Variants in MSN observed in about 807,000 individuals in gnomAD.
MSN encodes moesin.
MSN carries 2 observed loss-of-function variants against 48.0 expected under a neutral mutation model. The ratio of observed to expected loss-of-function variants is 0.04; its 90% CI spans 0.02 to 0.13. The LOEUF (loss-of-function observed/expected upper bound fraction) is 0.13. Among genes scored for constraint, MSN ranks in the 10% least tolerant of loss-of-function variants. The pLI is 1.00. For synonymous variants in MSN, 146 were observed against 166.9 expected (o/e 0.87, Z 0.97); for missense variants, 267 against 470.1 (o/e 0.57, Z 3.99).
chrX:65,589,510 A>AG (rs2070127173), intron 1 of MSN: 1 of 112,321 alleles, frequency 8.9e-6, no homozygotes. Flanking sequence ...AAGGCACTCC[A>AG]GCTCCCTGCC....
intron 1 of MSN, among the ~76,000 whole-genome samples, chrX:65,668,749 A>C (rs1300840194): frequency 9.0e-6 from 1 of 111,328 alleles, no homozygotes; most frequent in Non-Finnish European, 1.9e-5. Flanking sequence ...TGCCTGACTA[A>C]TGAGCTCTGC....
intron 3 of MSN, among the ~76,000 whole-genome samples, chrX:65,728,716 C>A (rs1406299044): frequency 7.2e-5 from 8 of 111,735 alleles, no homozygotes; most frequent in Non-Finnish European, 1.3e-4. Context: ...ATAGATGTTT[C>A]CCTCTTTCTT....
chrX:65,715,819 C>A (rs1485665514), intron 1 of MSN, among the ~76,000 whole-genome samples: 3 of 111,755 alleles, frequency 2.7e-5, no homozygotes, highest in Non-Finnish European at 3.8e-5. Flanking sequence ...CCCTCTATTT[C>A]TTTCTCTGGT....
intron 1 of MSN, among the ~76,000 whole-genome samples, chrX:65,633,343 TC>T: frequency 8.9e-6 from 1 of 111,735 alleles, no homozygotes; most frequent in Non-Finnish European, 1.9e-5. Context: ...GCTGGCATGC[TC>T]CCTTTTCAAG....
chrX:65,668,682 T>G (rs1483821903), intron 1 of MSN, among the ~76,000 whole-genome samples: 1 of 111,694 alleles, frequency 9.0e-6, no homozygotes, highest in Non-Finnish European at 1.9e-5. Context: ...AACAGAAGCC[T>G]CCTGGGAGTG....
chrX:65,704,425 A>G (rs1304953285), intron 1 of MSN, among the ~76,000 whole-genome samples: 4 of 111,622 alleles, frequency 3.6e-5, no homozygotes, highest in Non-Finnish European at 5.6e-5. Flanking sequence ...GGCTATGCCT[A>G]TTACTGGGGG....
chrX:65,717,001 C>T (rs2071473480), intron 2 of MSN, 100 bp downstream of exon 2: 4 of 735,170 alleles, frequency 5.4e-6, no homozygotes, highest in Non-Finnish European at 6.2e-6. Flanking sequence ...AATCTCTCTT[C>T]CTGTTCACTC....
At chrX:65,692,290 G>A (rs1377232504) in intron 1 of MSN, among the ~76,000 whole-genome samples, 1 of 112,501 alleles carries the variant, frequency 8.9e-6, no homozygotes, top group Non-Finnish European at 1.9e-5. Context: ...TCCTATTGTG[G>A]GGATCAGCTT....
chrX:65,739,154 C>T lies in MSN; in HGVS notation c.1529C>T (p.Thr510Ile). The T allele has an allele frequency of 8.3e-7, 1 of 1,211,498 alleles. No individual in the cohort carries two copies. ...GACCGCAGTGAGGAGGAACGTACCA[C>T]TGAGGCAGAGAAGAATGAGCGTGTG... ...AKDRSEEERT[T>I]EAEKNERVQK... Residue 510 changes from threonine (T) to isoleucine (I), a missense_variant, in exon 12 of 13, where the codon ACT (threonine) becomes ATT (isoleucine). Physicochemically the swap from Thr to Ile is moderately conservative, Grantham distance 89. This residue lies in a region of MSN where 48 missense variants were observed against 115.5 expected (regional missense o/e 0.42). Transcript: ENST00000360270.
At chrX:65,594,367 A>G (rs952068653) in intron 1 of MSN, among the ~76,000 whole-genome samples, 9 of 110,055 alleles carry the variant, frequency 8.2e-5, no homozygotes, top group African/African-American at 3.0e-4. Flanking sequence ...AAAGTAGAGA[A>G]GACTGTACCC....
intron 1 of MSN, among the ~76,000 whole-genome samples, chrX:65,632,262 C>G (rs1358173381): frequency 9.0e-6 from 1 of 111,463 alleles, no homozygotes; most frequent in African/African-American, 3.3e-5. Context: ...AGTTTGGCCC[C>G]CTTTTACCGT....
upstream of MSN, among the ~76,000 whole-genome samples, chrX:65,665,532 C>T (rs746925636): frequency 3.2e-4 from 36 of 111,646 alleles, no homozygotes; most frequent in Admixed American, 2.8e-3. Context: ...TGAGAGAAAC[C>T]GAGGCACACT....
chrX:65,645,693 G>A (rs1024656987), intron 1 of MSN, among the ~76,000 whole-genome samples: 1 of 111,560 alleles, frequency 9.0e-6, no homozygotes, highest in Non-Finnish European at 1.9e-5. Flanking sequence ...AACGCTTGGT[G>A]AGGTGAAACA....
chrX:65,638,172 G>A (rs1270972725), intron 1 of MSN, among the ~76,000 whole-genome samples: 2 of 112,292 alleles, frequency 1.8e-5, no homozygotes, highest in South Asian at 3.6e-4. Context: ...CATTTGATTT[G>A]CTTGCCCTTT....
intron 1 of MSN, among the ~76,000 whole-genome samples, chrX:65,648,075 A>T (rs1020154804): frequency 3.7e-5 from 4 of 108,364 alleles, no homozygotes; most frequent in Non-Finnish European, 7.7e-5. Flanking sequence ...GACAGATTTG[A>T]AAGTTTTTAG....
At chrX:65,601,468 A>G (rs1399670036) in intron 1 of MSN, among the ~76,000 whole-genome samples, 1 of 112,501 alleles carries the variant, frequency 8.9e-6, no homozygotes, top group Non-Finnish European at 1.9e-5. Context: ...CCGGTTTGGG[A>G]AATCATTCTC....
intron 1 of MSN, among the ~76,000 whole-genome samples, chrX:65,645,121 C>T (rs970831339): frequency 8.9e-6 from 1 of 111,777 alleles, no homozygotes; most frequent in Non-Finnish European, 1.9e-5. Context: ...CCTGTCTGGG[C>T]TTGGTTTAGG....
intron 1 of MSN, among the ~76,000 whole-genome samples, chrX:65,689,490 T>A (rs1414457915): frequency 9.0e-6 from 1 of 111,391 alleles, no homozygotes; most frequent in Non-Finnish European, 1.9e-5. Context: ...AGGTAGTTCA[T>A]AGAGAACCCA....
chrX:65,590,745 C>T (rs757089530), intron 1 of MSN, among the ~76,000 whole-genome samples: 4 of 110,150 alleles, frequency 3.6e-5, no homozygotes, highest in South Asian at 3.9e-4. Context: ...TTCCAGCAGA[C>T]GGAAGTCCAG....
Sources: gnomAD v4.1 joint callset for allele counts (sites outside exome capture counted in the v4.1 genomes callset) on GRCh38, gnomAD v4.1.1 for gene constraint, gnomAD v4.1.1 regional missense constraint, MANE v1.5 for transcripts, NCBI Gene and HGNC (gene_info 2026-07-23, HGNC 2026-07-21) for gene names.